ADAMTSL1: variants seen among roughly 807,000 people sequenced by gnomAD.
The protein encoded by ADAMTSL1 is ADAMTS like 1, also known as ADAMTS-like protein 1.
Under a neutral mutation model 201.8 loss-of-function variants are expected in ADAMTSL1, and 126 were observed. The ratio of observed to expected loss-of-function variants is 0.62; its 90% CI spans 0.54 to 0.72. The LOEUF (loss-of-function observed/expected upper bound fraction) is 0.72, where lower values mean the gene tolerates loss of function less well. ADAMTSL1 is among the 30% of genes least tolerant of loss of function. The pLI, the probability that ADAMTSL1 is intolerant of heterozygous loss-of-function variation, is 0.00. For missense variants in ADAMTSL1, 2,679 were observed against 2,277.8 expected (o/e 1.18, Z -3.59); for synonymous variants, 1,121 against 903.4 (o/e 1.24, Z -4.32).
chr9:18,271,141 A>G (rs908460010), intron 2 of ADAMTSL1, among the ~76,000 whole-genome samples: 3 of 152,222 alleles, frequency 2.0e-5, no homozygotes, highest in African/African-American at 4.8e-5. Context: ...AGAGGAGATA[A>G]TAAAAATGTC....
At chr9:17,935,150 T>C (rs1317827321) in intron 1 of ADAMTSL1, among the ~76,000 whole-genome samples, 1 of 152,094 alleles carries the variant, frequency 6.6e-6, no homozygotes, top group East Asian at 1.9e-4. Context: ...CCAAATCCAG[T>C]GGACAGCTCT....
intron 2 of ADAMTSL1, among the ~76,000 whole-genome samples, chr9:18,265,424 G>A (rs950659171): frequency 3.3e-4 from 50 of 151,950 alleles, no homozygotes; most frequent in African/African-American, 1.2e-3. Context: ...TACTAGCCTG[G>A]TATTTATTAT....
chr9:18,170,510 T>C (rs1563782344), intron 2 of ADAMTSL1, among the ~76,000 whole-genome samples: 1 of 152,066 alleles, frequency 6.6e-6, no homozygotes, highest in Non-Finnish European at 1.5e-5. Flanking sequence ...AGGTACAAAA[T>C]GGAGTATTAA....
At chr9:18,870,983 T>G (rs1827844301) in intron 23 of ADAMTSL1, among the ~76,000 whole-genome samples, 1 of 152,210 alleles carries the variant, frequency 6.6e-6, no homozygotes, top group Non-Finnish European at 1.5e-5. Flanking sequence ...TTTCTAATTC[T>G]TTATCTTCTT....
At chr9:18,701,718 TC>T (rs1831933795) in intron 13 of ADAMTSL1, among the ~76,000 whole-genome samples, 1 of 152,188 alleles carries the variant, frequency 6.6e-6, no homozygotes, top group Non-Finnish European at 1.5e-5. Context: ...TAATGAGACT[TC>T]CTGCATGTTT....
At chr9:18,856,460 A>ATT (rs398010404) in intron 23 of ADAMTSL1, among the ~76,000 whole-genome samples, 3,136 of 111,842 alleles carry the variant, frequency 0.028, 296 homozygotes, top group African/African-American at 0.097. Context: ...GATAAGAAGG[A>ATT]TTTTTTTTTT....
intron 2 of ADAMTSL1, among the ~76,000 whole-genome samples, chr9:18,296,654 T>A (rs4431686): frequency 0.41 from 62,951 of 152,094 alleles, 14,615 homozygotes; most frequent in South Asian, 0.62. Flanking sequence ...AGATATTTTT[T>A]AAAAGGGAAT....
At chr9:18,687,826 C>T (rs1030785296) in intron 13 of ADAMTSL1, among the ~76,000 whole-genome samples, 3 of 152,176 alleles carry the variant, frequency 2.0e-5, no homozygotes, top group East Asian at 1.9e-4. Context: ...ATAAATAACA[C>T]GTTATAGACC....
intron 2 of ADAMTSL1, among the ~76,000 whole-genome samples, chr9:18,208,903 C>G (rs534262712): frequency 6.6e-6 from 1 of 152,048 alleles, no homozygotes; most frequent in African/African-American, 2.4e-5. Context: ...ACTTGATTAC[C>G]TCATCTATGA....
intron 2 of ADAMTSL1, among the ~76,000 whole-genome samples, chr9:18,285,096 G>T (rs1162654383): frequency 6.6e-6 from 1 of 152,104 alleles, no homozygotes; most frequent in Non-Finnish European, 1.5e-5. Context: ...TATTTTTAAA[G>T]TTGTTTTTAA....
intron 1 of ADAMTSL1, among the ~76,000 whole-genome samples, chr9:18,009,796 A>G (rs1369406823): frequency 1.3e-5 from 2 of 152,068 alleles, no homozygotes; most frequent in Non-Finnish European, 2.9e-5. Flanking sequence ...AATGGTCATT[A>G]TGAAGCCAAA....
At chr9:17,908,436 C>T (rs1265278202) in intron 1 of ADAMTSL1, among the ~76,000 whole-genome samples, 3 of 151,368 alleles carry the variant, frequency 2.0e-5, no homozygotes, top group Non-Finnish European at 2.9e-5. Flanking sequence ...ACCCAATGTG[C>T]AAAAATGACC....
At chr9:18,852,447 A>G (rs1016991980) in intron 23 of ADAMTSL1, among the ~76,000 whole-genome samples, 1 of 152,104 alleles carries the variant, frequency 6.6e-6, no homozygotes, top group Non-Finnish European at 1.5e-5. Context: ...CAGGAAAGTT[A>G]AGAATGCCCT....
chr9:18,523,754 A>G (rs1363680624), intron 2 of ADAMTSL1, among the ~76,000 whole-genome samples: 1 of 140,388 alleles, frequency 7.1e-6, no homozygotes, highest in Admixed American at 7.5e-5. Context: ...ATAGTTGTAG[A>G]TATGCGGCGT....
At chr9:18,268,375 C>G (rs887568205) in intron 2 of ADAMTSL1, among the ~76,000 whole-genome samples, 26 of 152,100 alleles carry the variant, frequency 1.7e-4, no homozygotes, top group Non-Finnish European at 2.9e-5. Context: ...TTTGGTTTAT[C>G]AGTTTTAAAT....
At chr9:18,091,476 C>T (rs1446528079) in intron 1 of ADAMTSL1, among the ~76,000 whole-genome samples, 1 of 152,108 alleles carries the variant, frequency 6.6e-6, no homozygotes, top group Non-Finnish European at 1.5e-5. Context: ...GATTTAATTT[C>T]CCTCATCTTG....
chr9:18,741,047 C>T (rs1245157992), intron 15 of ADAMTSL1, among the ~76,000 whole-genome samples: 3 of 151,928 alleles, frequency 2.0e-5, no homozygotes, highest in African/African-American at 7.3e-5. Context: ...ACTCTGTGCC[C>T]CAAGGAAATA....
chr9:18,665,413 G>A (rs1045976540), intron 9 of ADAMTSL1, among the ~76,000 whole-genome samples: 2 of 152,024 alleles, frequency 1.3e-5, no homozygotes, highest in African/African-American at 4.8e-5. Flanking sequence ...CAATGACCAG[G>A]ATGTTTCCAG....
chr9:18,377,243 A>T (rs1837336792), intron 2 of ADAMTSL1, among the ~76,000 whole-genome samples: 1 of 152,236 alleles, frequency 6.6e-6, no homozygotes, highest in African/African-American at 2.4e-5. Flanking sequence ...TAATCTGTAA[A>T]TGAGGATAAT....
Sources: gnomAD v4.1 joint callset for allele counts (sites outside exome capture counted in the v4.1 genomes callset) on GRCh38, gnomAD v4.1.1 for gene constraint, MANE v1.5 for transcripts, NCBI Gene and HGNC (gene_info 2026-07-23, HGNC 2026-07-21) for gene names.